OPHN1: variants seen among roughly 807,000 people sequenced by gnomAD.
The protein encoded by OPHN1 is oligophrenin-1.
In OPHN1, 11 loss-of-function variants were observed where a neutral mutation model predicts 60.7. The ratio of observed to expected loss-of-function variants is 0.18; its 90% CI spans 0.11 to 0.30. The LOEUF is 0.30. Among genes scored for constraint, OPHN1 ranks in the 10% least tolerant of loss-of-function variants. The probability of loss-of-function intolerance (pLI) is 1.00; values close to 1 mark genes in which losing one functional copy is unlikely to be tolerated. For synonymous variants in OPHN1, 226 were observed against 222.6 expected, an observed-to-expected ratio of 1.02 and a Z score of -0.14; for missense variants, 449 against 611.0, an observed-to-expected ratio of 0.73 and a Z score of 2.80.
At chrX:68,104,749 C>A (rs187909766) in intron 18 of OPHN1, among the ~76,000 whole-genome samples, 266 of 111,646 alleles carry the variant, frequency 2.4e-3, no homozygotes, top group Middle Eastern at 4.7e-3. Flanking sequence ...CATAGGCATG[C>A]GCAATGACTT....
At chrX:68,128,271 T>G (rs1024004954) in intron 15 of OPHN1, among the ~76,000 whole-genome samples, 2 of 110,472 alleles carry the variant, frequency 1.8e-5, no homozygotes, top group African/African-American at 3.3e-5. Flanking sequence ...CCCAGGCTGG[T>G]CTAGAACTCC....
In OPHN1 at chrX:68,200,228, C is replaced by T. The variant is rs889626172; in HGVS notation, c.1025+1391G>A. ...AAATGAGGGAATGTTTTGTAAAGTGCACAGTATATGATAACTAAAAGTGTA... is the reference window on the plus strand; with the variant it reads ...AAATGAGGGAATGTTTTGTAAAGTGTACAGTATATGATAACTAAAAGTGTA... On this transcript the variant is annotated intron_variant, in intron 11 of 24. Transcript: ENST00000355520. Among the ~76,000 whole-genome samples the T allele has an allele frequency of 5.3e-4, 59 of 110,998 alleles. 1 individual carries two copies. Among genetic ancestry groups the T allele is most frequent in the African/African-American group, 1.7e-3 (53 of 30,445 alleles).
At chrX:68,100,657 A>T (rs902308856) in intron 18 of OPHN1, among the ~76,000 whole-genome samples, 2 of 111,766 alleles carry the variant, frequency 1.8e-5, no homozygotes, top group African/African-American at 3.2e-5. Flanking sequence ...AGGAAAAGAC[A>T]ATAGTGAAGG....
At chrX:68,103,944 T>G (rs2077070823) in intron 18 of OPHN1, among the ~76,000 whole-genome samples, 1 of 111,963 alleles carries the variant, frequency 8.9e-6, no homozygotes, top group Admixed American at 9.5e-5. Flanking sequence ...GCCCAAAATC[T>G]CCTTAAGCTG....
intron 21 of OPHN1, among the ~76,000 whole-genome samples, chrX:68,058,197 T>C (rs958228055): frequency 2.7e-5 from 3 of 110,159 alleles, no homozygotes; most frequent in African/African-American, 1.0e-4. Context: ...CTCTGAAACC[T>C]AAATTGAACG....
intron 2 of OPHN1, among the ~76,000 whole-genome samples, chrX:68,340,366 T>G (rs1294461467): frequency 8.9e-6 from 1 of 112,425 alleles, no homozygotes; most frequent in Non-Finnish European, 1.9e-5. Flanking sequence ...CATAGACATA[T>G]AGATCAATAA....
At chrX:68,213,396 C>T (rs981252852) in intron 7 of OPHN1, among the ~76,000 whole-genome samples, 5 of 110,323 alleles carry the variant, frequency 4.5e-5, no homozygotes, top group African/African-American at 6.6e-5. Context: ...CTACACAAAA[C>T]GAAGTAAATG....
intron 2 of OPHN1, among the ~76,000 whole-genome samples, chrX:68,371,235 C>CA (rs1444343749): frequency 7.9e-5 from 8 of 101,283 alleles, no homozygotes; most frequent in Admixed American, 1.1e-4. Flanking sequence ...TTTTTTTTTC[C>CA]AAAAAAAGGT....
intron 5 of OPHN1, among the ~76,000 whole-genome samples, chrX:68,266,345 G>C (rs1233896912): frequency 8.9e-6 from 1 of 111,779 alleles, no homozygotes; most frequent in Non-Finnish European, 1.9e-5. Context: ...AGAAACTCTA[G>C]AAGCCAAAAG....
At chrX:68,359,720 G>A (rs1269917289) in intron 2 of OPHN1, among the ~76,000 whole-genome samples, 1 of 109,466 alleles carries the variant, frequency 9.1e-6, no homozygotes, top group Non-Finnish European at 1.9e-5. Context: ...GCCAGGCATG[G>A]TGGCGGGCAC....
At chrX:68,350,229 CATCT>C (rs1281046155) in intron 2 of OPHN1, among the ~76,000 whole-genome samples, 2 of 111,016 alleles carry the variant, frequency 1.8e-5, no homozygotes, top group African/African-American at 3.3e-5. Flanking sequence ...AAAATATGTA[CATCT>C]ATTATGTATC....
chrX:68,084,048 G>C (rs184763585), intron 19 of OPHN1, among the ~76,000 whole-genome samples: 6 of 110,964 alleles, frequency 5.4e-5, no homozygotes, highest in African/African-American at 1.3e-4. Context: ...GTAACACAGA[G>C]ACAAGAAGTG....
intron 2 of OPHN1, among the ~76,000 whole-genome samples, chrX:68,388,970 T>C (rs990116928): frequency 2.7e-5 from 3 of 109,608 alleles, no homozygotes; most frequent in Non-Finnish European, 5.7e-5. Context: ...ATTTTTTTTT[T>C]TTTTGAGACA....
At chrX:68,179,017 A>G (rs914519761) in intron 15 of OPHN1, among the ~76,000 whole-genome samples, 8 of 112,248 alleles carry the variant, frequency 7.1e-5, no homozygotes, top group Non-Finnish European at 1.3e-4. Context: ...TATATATTCA[A>G]GCCTTCTCTC....
intron 5 of OPHN1, among the ~76,000 whole-genome samples, chrX:68,243,101 A>G (rs2077789342): frequency 9.0e-6 from 1 of 110,875 alleles, no homozygotes. Context: ...CTGACCTCAC[A>G]TGATCTGCCC....
chrX:68,091,857 G>A (rs1444934992), intron 19 of OPHN1, among the ~76,000 whole-genome samples: 1 of 111,537 alleles, frequency 9.0e-6, no homozygotes, highest in African/African-American at 3.3e-5. Context: ...ACTGCTAAGT[G>A]AGATGGGAAG....
At chrX:68,294,318 A>G (rs2078083650) in intron 3 of OPHN1, among the ~76,000 whole-genome samples, 1 of 108,081 alleles carries the variant, frequency 9.3e-6, no homozygotes, top group Admixed American at 1.0e-4. Context: ...TAAAACTACA[A>G]AAAATAGCCG....
intron 2 of OPHN1, among the ~76,000 whole-genome samples, chrX:68,311,892 C>A (rs2078175220): frequency 9.0e-6 from 1 of 111,429 alleles, no homozygotes; most frequent in Non-Finnish European, 1.9e-5. Flanking sequence ...AAAGGATACT[C>A]CATCCCACAA....
rs1163658174 is a variant in OPHN1 at position 68,207,761 on chromosome X, G to A, written c.833-1088C>T. 9.0e-5 allele frequency among the ~76,000 whole-genome samples: 10 copies of A among 111,322 alleles called. No homozygotes were observed. The South Asian group carries it at 3.8e-3, about 42-fold the overall frequency. On this transcript the variant is annotated intron_variant, in intron 9 of 24. Coordinates refer to ENST00000355520, the MANE Select transcript of OPHN1 (RefSeq NM_002547.3). ...CTCACCTCTATGTTCCTGTCTCAAT[G>A]AATTACTTTTAGTTCCCACATAAAG... is the stretch of plus-strand genomic sequence containing the variant.
Sources: gnomAD v4.1 joint callset for allele counts (sites outside exome capture counted in the v4.1 genomes callset) on GRCh38, gnomAD v4.1.1 for gene constraint, MANE v1.5 for transcripts, NCBI Gene and HGNC (gene_info 2026-07-23, HGNC 2026-07-21) for gene names.